The following CEP290 variants were observed in gnomAD, a reference collection of about 807,000 sequenced individuals.
CEP290 encodes centrosomal protein 290, also known as centrosomal protein of 290 kDa.
Under a neutral mutation model 344.9 loss-of-function variants are expected in CEP290, and 317 were observed. The ratio of observed to expected loss-of-function variants is 0.92; its 90% CI spans 0.84 to 1.01. The LOEUF is 1.01. CEP290 is among the 50% of genes least tolerant of loss of function. CEP290 has a pLI of 0.00. For missense variants in CEP290, 2,754 were observed against 2,761.4 expected (o/e 1.00, Z 0.06); for synonymous variants, 932 against 895.8 (o/e 1.04, Z -0.72).
At chr12:88,089,787 C>T (rs2036884135) in intron 30 of CEP290, among the ~76,000 whole-genome samples, 1 of 145,542 alleles carries the variant, frequency 6.9e-6, no homozygotes, top group African/African-American at 2.6e-5. Context: ...AGTGCAATGG[C>T]GTGATTTTGG....
Position 88,083,016 on chromosome 12 carries a change from A to G in CEP290, c.5012+15T>C, listed in dbSNP as rs538803349. 22 of 1,398,396 alleles carry G rather than the reference A, an allele frequency of 1.6e-5. No homozygotes were observed. In the African/African-American group the frequency reaches 3.1e-4, roughly 20 times the overall value. 86.6% of individuals were successfully genotyped at this position (1,398,396 alleles called of 1,614,324 possible). The stretch of plus-strand genomic sequence containing the variant: ...TATCATTTGCCTATTTTTACAATAC[A>G]TTTCGAAGACTTACTGTAATTTGAT... On this transcript the variant is annotated intron_variant, in intron 37 of 53. Coordinates refer to ENST00000552810, the MANE Select transcript of CEP290 (RefSeq NM_025114.4).
chr12:88,087,836 A>C lies in CEP290; in HGVS notation c.4138T>G (p.Ser1380Ala). ...EEIKYLNNII[S>A]EYERTISSLE... ...CTGCTGATTGTACGTTCATATTCAGAAATTATGTTATTCAAATATTTTATT... is the reference window on the plus strand; with the variant it reads ...CTGCTGATTGTACGTTCATATTCAGCAATTATGTTATTCAAATATTTTATT... The change falls in exon 32 of 54, where the codon TCT becomes GCT. Residue 1380 changes from serine (S) to alanine (A), a missense_variant. Transcript: ENST00000552810. The C allele has an allele frequency of 7.8e-7, 1 of 1,289,232 alleles. No individual in the cohort carries two copies. Among genetic ancestry groups the C allele is most frequent in the Non-Finnish European group, 1.0e-6 (1 of 1,001,326 alleles). The allele number at this position is 1,289,232 out of a possible 1,614,324, so 79.9% of individuals were successfully genotyped here.
chr12:88,132,249 T>A (rs2040117698), intron 6 of CEP290, among the ~76,000 whole-genome samples: 1 of 152,222 alleles, frequency 6.6e-6, no homozygotes, highest in African/African-American at 2.4e-5. Context: ...ATTCCTCTTA[T>A]GACCTTTCAT....
intron 13 of CEP290, among the ~76,000 whole-genome samples, chr12:88,124,100 C>T (rs2039582090): frequency 6.6e-6 from 1 of 152,094 alleles, no homozygotes; most frequent in African/African-American, 2.4e-5. Flanking sequence ...TTTACCACTC[C>T]TACAGTCTAC....
At chr12:88,066,471 TTC>T (rs150391488) in intron 44 of CEP290, among the ~76,000 whole-genome samples, 111,618 of 138,278 alleles carry the variant, frequency 0.81, 45,139 homozygotes, top group East Asian at 0.98. Context: ...AGCTAATTGT[TTC>T]TTTTTTTTTT....
In CEP290 at chr12:88,049,067, T is replaced by C. The variant is rs2033209381; in HGVS notation, c.*117A>G. The C allele has an allele frequency of 1.9e-6, 1 of 515,398 alleles. No homozygotes were observed. The highest frequency in any genetic ancestry group is 2.0e-5 in the African/African-American group (1 of 49,574). 31.9% of individuals were successfully genotyped at this position (515,398 alleles called of 1,614,324 possible). ...TTTATTAAGAATTCCAATCTAAGTA[T>C]AAAGGTACAAGGTAGTGAGAAGGAA... On this transcript the variant is annotated 3_prime_UTR_variant, in exon 54 of 54. Transcript: ENST00000552810.
chr12:88,113,250 A>G (rs1386215910), intron 20 of CEP290, among the ~76,000 whole-genome samples: 1 of 152,090 alleles, frequency 6.6e-6, no homozygotes, highest in East Asian at 1.9e-4. Context: ...GCCCTTGGAA[A>G]ATTAAGTTTG....
In CEP290 at chr12:88,049,365, A is replaced by T; in HGVS notation, c.7259T>A (p.Phe2420Tyr). Reference sequence around the variant, plus strand: ...CTTAAGATCTTCAATTTCTTCAAAAAATGAAGGATCAAAATTTTCCAGTTC... The same window carrying T: ...CTTAAGATCTTCAATTTCTTCAAAATATGAAGGATCAAAATTTTCCAGTTC... Reference protein sequence around the residue: ...KKELENFDPSFFEEIEDLKYN... With the variant: ...KKELENFDPSYFEEIEDLKYN... The change falls in exon 54 of 54, where the codon TTT becomes TAT. Residue 2420 changes from phenylalanine to tyrosine, a missense_variant. Coordinates refer to ENST00000552810, the MANE Select transcript of CEP290 (RefSeq NM_025114.4). The T allele has an allele frequency of 6.4e-7, 1 of 1,565,034 alleles. No homozygotes were observed. Among genetic ancestry groups the T allele is most frequent in the Non-Finnish European group, 8.7e-7 (1 of 1,146,090 alleles).
At chr12:88,111,931 T>C in intron 20 of CEP290, 73 bp from the exon 21 acceptor site, 2 of 1,085,458 alleles carry the variant, frequency 1.8e-6, no homozygotes, top group Non-Finnish European at 2.5e-6. Flanking sequence ...AGTCTGTCTT[T>C]AAATAAAATG....
chr12:88,074,492 C>A (rs2035611983), intron 41 of CEP290, among the ~76,000 whole-genome samples: 1 of 152,112 alleles, frequency 6.6e-6, no homozygotes, highest in Non-Finnish European at 1.5e-5. Context: ...GTGAATGGTA[C>A]CATGGGTATT....
In CEP290 at chr12:88,088,315, T is replaced by G. The variant is rs1055566225; in HGVS notation, c.4030-371A>C. ...GAACAGGATGTAGTTGCAAGATAAT[T>G]ATTTTTCATTTAATTCTTTCTAAAT... On this transcript the variant is annotated intron_variant, in intron 31 of 53. Transcript: ENST00000552810. Among the ~76,000 whole-genome samples the G allele has an allele frequency of 3.3e-5, 5 of 152,294 alleles. No homozygotes were observed. The Middle Eastern group carries it at 0.01, about 311-fold the overall frequency.
At position 88,060,823 on chromosome 12, in the gene CEP290, A is replaced by C. The variant is rs754878322; in HGVS notation, c.6522+7T>G. 1.6e-5 allele frequency: 25 copies of C among 1,515,466 alleles called. 1 individual carries two copies. In the Admixed American group the frequency reaches 3.2e-4, roughly 20 times the overall value. The allele number at this position is 1,515,466 out of a possible 1,614,324, so 93.9% of individuals were successfully genotyped here. A position where few individuals can be genotyped will look rare whatever the true frequency, so the allele number is the denominator to read the frequency against. On this transcript the variant is annotated splice_region_variant and intron_variant, in intron 47 of 53. Coordinates refer to ENST00000552810, the MANE Select transcript of CEP290 (RefSeq NM_025114.4). ...CCCCTAAAAATGATCACATTAAAAAAAATTACCTTCAATTTTTCATTTTCC... is the reference window on the plus strand; with the variant it reads ...CCCCTAAAAATGATCACATTAAAAACAATTACCTTCAATTTTTCATTTTCC...
At chr12:88,108,233 C>A (rs1448666018) in intron 23 of CEP290, among the ~76,000 whole-genome samples, 1 of 152,082 alleles carries the variant, frequency 6.6e-6, no homozygotes, top group Non-Finnish European at 1.5e-5. Flanking sequence ...ATTCTCTTTG[C>A]AACTGAATGG....
Position 88,093,947 on chromosome 12 carries a change from C to A in CEP290, c.3132G>T (p.Lys1044Asn), listed in dbSNP as rs762342726. Reference protein sequence around the residue: ...LGNESSMDKAKKSITNSDIVS... With the variant: ...LGNESSMDKANKSITNSDIVS... ...CAATGTCACTGTTGGTTATTGATTT[C>A]TTTGCCTTATCCATGCTAGATTCAT... Residue 1044 changes from lysine to asparagine, a missense_variant, in exon 28 of 54, where the codon AAG (lysine) becomes AAT (asparagine). Coordinates refer to ENST00000552810, the MANE Select transcript of CEP290 (RefSeq NM_025114.4). 6.2e-7 allele frequency: 1 copy of A among 1,611,332 alleles called. No individual in the cohort carries two copies.
At chr12:88,067,038 C>T (rs1186187433) in intron 44 of CEP290, among the ~76,000 whole-genome samples, 2 of 152,156 alleles carry the variant, frequency 1.3e-5, no homozygotes, top group Admixed American at 1.3e-4. Flanking sequence ...TAGTATACAT[C>T]TTAGGACACT....
Position 88,089,482 on chromosome 12 carries a change from C to G in CEP290, c.3579G>C (p.Gln1193His). Residue 1193 changes from glutamine to histidine, a missense_variant, in exon 31 of 54, where the codon CAG (glutamine) becomes CAC (histidine). Transcript: ENST00000552810. The stretch of plus-strand genomic sequence containing the variant: ...TGGCAATGAGCGACTTTTCATCAGA[C>G]TGTGCCTGATATTAAAAAAAATATA... ...LRMQLLDYQA[Q>H]SDEKSLIAKL... The G allele has an allele frequency of 6.9e-7, 1 of 1,458,072 alleles. No homozygotes were observed. The highest frequency in any genetic ancestry group is 9.0e-7 in the Non-Finnish European group (1 of 1,106,098). The allele number at this position is 1,458,072 out of a possible 1,614,324, so 90.3% of individuals were successfully genotyped here.
chr12:88,061,938 C>T (rs2034517058), intron 46 of CEP290, among the ~76,000 whole-genome samples: 1 of 152,012 alleles, frequency 6.6e-6, no homozygotes, highest in Admixed American at 6.6e-5. Context: ...GCCACCATGC[C>T]CAGCTAATTT....
At position 88,118,540 on chromosome 12, in the gene CEP290, G is replaced by T. The variant is rs1446939096; in HGVS notation, c.1654C>A (p.Leu552Met). 1 of 1,579,854 alleles carries T rather than the reference G, an allele frequency of 6.3e-7. No individual in the cohort carries two copies. The highest frequency in any genetic ancestry group is 1.8e-5 in the Admixed American group (1 of 54,080). ...IESLEEERLD[L>M]KKKIRQMAQE... ...GCCATTTGACGAATTTTTTTTTTCA[G>T]ATCAAGTCGTTCTTCCTCTAGACTT... Residue 552 changes from leucine (L) to methionine (M), a missense_variant, in exon 17 of 54, where the codon CTG (leucine) becomes ATG (methionine). Leu to Met is a conservative substitution (Grantham distance 15, BLOSUM62 2). Coordinates refer to ENST00000552810, the MANE Select transcript of CEP290 (RefSeq NM_025114.4).
intron 43 of CEP290, among the ~76,000 whole-genome samples, chr12:88,070,832 C>T (rs2035316439): frequency 6.6e-6 from 1 of 152,092 alleles, no homozygotes; most frequent in Non-Finnish European, 1.5e-5. Flanking sequence ...TCTGGGCTCA[C>T]TCTTGAGCTG....
Sources: allele counts gnomAD v4.1 joint callset (sites outside exome capture counted in the v4.1 genomes callset), GRCh38; gene constraint gnomAD v4.1.1; transcripts MANE v1.5; gene names NCBI Gene and HGNC (gene_info 2026-07-23, HGNC 2026-07-21).